Variants in GLRA2 observed in about 807,000 individuals in gnomAD.
GLRA2 encodes glycine receptor alpha 2.
In GLRA2, 11 loss-of-function variants were observed where a neutral mutation model predicts 31.6. The ratio of observed to expected loss-of-function variants is 0.35; its 90% CI spans 0.22 to 0.58. The LOEUF (loss-of-function observed/expected upper bound fraction) is 0.58, where lower values mean the gene tolerates loss of function less well. Among genes scored for constraint, GLRA2 ranks in the 20% least tolerant of loss-of-function variants. The pLI is 0.84. For synonymous variants in GLRA2, 132 were observed against 134.0 expected, an observed-to-expected ratio of 0.99 and a Z score of 0.10; for missense variants, 212 against 351.8, an observed-to-expected ratio of 0.60 and a Z score of 3.18.
intron 7 of GLRA2, among the ~76,000 whole-genome samples, chrX:14,666,025 T>C: frequency 9.2e-6 from 1 of 108,143 alleles, no homozygotes; most frequent in Non-Finnish European, 1.9e-5. Flanking sequence ...ATATTAACTT[T>C]TTGAAAAATT....
the GLRA2 span, among the ~76,000 whole-genome samples, chrX:14,466,713 C>CAG: frequency 8.9e-6 from 1 of 112,056 alleles, no homozygotes; most frequent in Admixed American, 9.5e-5. Context: ...AAGATTAGTA[C>CAG]AGAGTCACAC....
intron 8 of GLRA2, among the ~76,000 whole-genome samples, chrX:14,696,474 C>T (rs1461728014): frequency 2.7e-5 from 3 of 111,669 alleles, no homozygotes; most frequent in Non-Finnish European, 5.6e-5. Flanking sequence ...CAAGGCAGTC[C>T]AGGAATTGGA....
chrX:14,690,210 A>C (rs2091329548), intron 7 of GLRA2, among the ~76,000 whole-genome samples: 1 of 112,019 alleles, frequency 8.9e-6, no homozygotes, highest in African/African-American at 3.2e-5. Flanking sequence ...TAAAAAATAG[A>C]AGTGAGCAGT....
At chrX:14,634,471 C>T (rs1174832453) in intron 7 of GLRA2, among the ~76,000 whole-genome samples, 3 of 111,706 alleles carry the variant, frequency 2.7e-5, no homozygotes, top group East Asian at 5.6e-4. Flanking sequence ...TGTAGACCTG[C>T]GAAGCTCCTG....
At chrX:14,464,069 G>T in the GLRA2 span, among the ~76,000 whole-genome samples, 1 of 112,121 alleles carries the variant, frequency 8.9e-6, no homozygotes, top group African/African-American at 3.2e-5. Context: ...TGAGTTCTTT[G>T]TATATTATAG....
intron 7 of GLRA2, among the ~76,000 whole-genome samples, chrX:14,633,440 A>G (rs192484826): frequency 3.5e-4 from 39 of 111,966 alleles, no homozygotes; most frequent in African/African-American, 9.1e-4. Flanking sequence ...GGTTATAGTA[A>G]GCTATGCTTG....
At chrX:14,459,933 C>T in the GLRA2 span, among the ~76,000 whole-genome samples, 1 of 112,147 alleles carries the variant, frequency 8.9e-6, no homozygotes, top group African/African-American at 3.2e-5. Context: ...TGAGAGAGGG[C>T]ATCCCTGTCT....
chrX:14,479,542 C>T, the GLRA2 span, among the ~76,000 whole-genome samples: 1 of 111,454 alleles, frequency 9.0e-6, no homozygotes, highest in Non-Finnish European at 1.9e-5. Context: ...ACTCCCCCTT[C>T]TCTCCAAGTA....
At chrX:14,637,260 A>G (rs1248302320) in intron 7 of GLRA2, among the ~76,000 whole-genome samples, 1 of 111,871 alleles carries the variant, frequency 8.9e-6, no homozygotes, top group African/African-American at 3.3e-5. Flanking sequence ...ATTGCCATCA[A>G]GTGAGTAGAG....
At chrX:14,640,336 A>G (rs1025605046) in intron 7 of GLRA2, among the ~76,000 whole-genome samples, 3 of 111,498 alleles carry the variant, frequency 2.7e-5, no homozygotes, top group Non-Finnish European at 3.8e-5. Flanking sequence ...TGCTTGTACC[A>G]TGAGCAAAGG....
chrX:14,607,624 C>T (rs1055590651), intron 6 of GLRA2, among the ~76,000 whole-genome samples: 1 of 111,615 alleles, frequency 9.0e-6, no homozygotes, highest in Non-Finnish European at 1.9e-5. Flanking sequence ...GGCATCCGCT[C>T]TTGCCATTGG....
At chrX:14,484,046 G>A in the GLRA2 span, among the ~76,000 whole-genome samples, 11 of 111,305 alleles carry the variant, frequency 9.9e-5, no homozygotes, top group East Asian at 1.7e-3. Context: ...GCCTGCAGAC[G>A]GCCTATGTGG....
chrX:14,595,782 T>G (rs900906610), intron 4 of GLRA2, among the ~76,000 whole-genome samples: 1 of 111,828 alleles, frequency 8.9e-6, no homozygotes, highest in Non-Finnish European at 1.9e-5. Context: ...TGTTCACGTG[T>G]GTCTGATTCA....
At chrX:14,514,568 T>G in the GLRA2 span, among the ~76,000 whole-genome samples, 8 of 111,361 alleles carry the variant, frequency 7.2e-5, no homozygotes, top group Non-Finnish European at 1.3e-4. Context: ...AACCTGTTTC[T>G]CTATTTGGCA....
At chrX:14,481,847 G>T in the GLRA2 span, among the ~76,000 whole-genome samples, 1 of 109,885 alleles carries the variant, frequency 9.1e-6, no homozygotes, top group African/African-American at 3.3e-5. Flanking sequence ...CTGATTCAAG[G>T]AAGTTTAGTC....
chrX:14,493,849 A>G, the GLRA2 span, among the ~76,000 whole-genome samples: 1 of 107,504 alleles, frequency 9.3e-6, no homozygotes, highest in Non-Finnish European at 1.9e-5. Flanking sequence ...TATATCCAAA[A>G]GAAATGCATA....
chrX:14,684,601 T>A (rs1053165029), intron 7 of GLRA2, among the ~76,000 whole-genome samples: 1 of 111,847 alleles, frequency 8.9e-6, no homozygotes, highest in African/African-American at 3.3e-5. Flanking sequence ...AGTTCACTCA[T>A]GATTTGGCTC....
the GLRA2 span, among the ~76,000 whole-genome samples, chrX:14,469,103 C>A: frequency 9.0e-6 from 1 of 111,536 alleles, no homozygotes; most frequent in East Asian, 2.8e-4. Context: ...GATTTTCTCC[C>A]ATTCTGTAGG....
rs2089882211 is a variant in GLRA2, at chrX:14,571,441, C to A, written c.203-2892C>A. ...ACCCAAAGAACTTGCAGGTCAACTTCCATATTTAGGTAGCTTATATCACTA... is the reference window on the plus strand; with the variant it reads ...ACCCAAAGAACTTGCAGGTCAACTTACATATTTAGGTAGCTTATATCACTA... On this transcript the variant is annotated intron_variant, in intron 2 of 8. Coordinates refer to ENST00000218075, the MANE Select transcript of GLRA2 (RefSeq NM_002063.4). Among the ~76,000 whole-genome samples the A allele has an allele frequency of 5.4e-5, 6 of 111,993 alleles. No individual in the cohort carries two copies. In the South Asian group the frequency reaches 2.2e-3, roughly 41 times the overall value.
Sources: gnomAD v4.1 joint callset for allele counts (sites outside exome capture counted in the v4.1 genomes callset) on GRCh38, gnomAD v4.1.1 for gene constraint, MANE v1.5 for transcripts, NCBI Gene and HGNC (gene_info 2026-07-23, HGNC 2026-07-21) for gene names.